SRRM4: variants seen among roughly 807,000 people sequenced by gnomAD.
The protein encoded by SRRM4 is serine/arginine repetitive matrix 4.
A neutral mutation model predicts 68.9 loss-of-function variants in SRRM4; 33 were observed. The ratio of observed to expected loss-of-function variants is 0.48; its 90% CI spans 0.36 to 0.64. The LOEUF is 0.64. SRRM4 is among the 30% of genes least tolerant of loss of function. The probability of loss-of-function intolerance (pLI) is 0.00; values close to 1 mark genes in which losing one functional copy is unlikely to be tolerated. For missense variants in SRRM4, 817 were observed against 827.1 expected, an observed-to-expected ratio of 0.99 and a Z score of 0.15; for synonymous variants, 318 against 318.8, an observed-to-expected ratio of 1.00 and a Z score of 0.03.
At chr12:119,111,275 G>A (rs1278584713) in intron 2 of SRRM4, among the ~76,000 whole-genome samples, 3 of 152,128 alleles carry the variant, frequency 2.0e-5, no homozygotes, top group Admixed American at 6.5e-5. Flanking sequence ...CCTCTATGAT[G>A]GTACAAGTAG....
Position 119,156,914 on chromosome 12 carries a change from C to A in SRRM4, c.*116C>A. 3 of 1,304,512 alleles carry A rather than the reference C, an allele frequency of 2.3e-6. No homozygotes were observed. In the South Asian group the frequency reaches 4.6e-5, roughly 20 times the overall value. 80.8% of individuals were successfully genotyped at this position (1,304,512 alleles called of 1,614,324 possible). ...TGAGGGCTCCTATACCTTGTCCTTC[C>A]TGCTTGCCTAGGGGAAGAGGAGAAG... On this transcript the variant is annotated 3_prime_UTR_variant, in exon 13 of 13. Coordinates refer to ENST00000267260, the MANE Select transcript of SRRM4 (RefSeq NM_194286.4).
intron 1 of SRRM4, among the ~76,000 whole-genome samples, chr12:119,079,823 T>C (rs2030831): frequency 0.57 from 86,747 of 151,772 alleles, 25,793 homozygotes; most frequent in Middle Eastern, 0.76. Context: ...AGTGGGGTAA[T>C]GTGCATTTCA....
rs911668147 is a variant in SRRM4 at position 119,100,679 on chromosome 12, A to T, written c.132-1557A>T. Among the ~76,000 whole-genome samples, 18 of 152,192 alleles carry T rather than the reference A, an allele frequency of 1.2e-4. 1 individual carries two copies. Among genetic ancestry groups the T allele is most frequent in the Admixed American group, 4.6e-4 (7 of 15,284 alleles). ...AAATTGAAGTTAACAAATGCAGGTTACCCTAGGCCAGGACAAGTATGGGAA... is the reference window on the plus strand; with the variant it reads ...AAATTGAAGTTAACAAATGCAGGTTTCCCTAGGCCAGGACAAGTATGGGAA... On this transcript the variant is annotated intron_variant, in intron 1 of 12. Coordinates refer to ENST00000267260, the MANE Select transcript of SRRM4 (RefSeq NM_194286.4).
chr12:119,061,261 G>T (rs1331586822), intron 1 of SRRM4, among the ~76,000 whole-genome samples: 1 of 152,130 alleles, frequency 6.6e-6, no homozygotes, highest in African/African-American at 2.4e-5. Context: ...TTGTTCCAAC[G>T]GTGGGGGCAG....
intron 1 of SRRM4, among the ~76,000 whole-genome samples, chr12:119,077,335 A>C (rs7956868): frequency 0.57 from 86,871 of 151,980 alleles, 25,822 homozygotes; most frequent in Middle Eastern, 0.75. Context: ...TTTTGATATA[A>C]GTGATCCATG....
intron 8 of SRRM4, among the ~76,000 whole-genome samples, chr12:119,133,701 G>C (rs1954311291): frequency 6.6e-6 from 1 of 152,178 alleles, no homozygotes; most frequent in African/African-American, 2.4e-5. Context: ...GCTAACAGCA[G>C]AGTCATTTTC....
At chr12:119,129,111 G>T (rs567705483) in intron 7 of SRRM4, among the ~76,000 whole-genome samples, 1 of 152,356 alleles carries the variant, frequency 6.6e-6, no homozygotes, top group Non-Finnish European at 1.5e-5. Context: ...CTTTCAGGCT[G>T]TTTGACCTCA....
chr12:119,072,163 A>C (rs560567939), intron 1 of SRRM4, among the ~76,000 whole-genome samples: 2 of 152,366 alleles, frequency 1.3e-5, no homozygotes, highest in South Asian at 2.1e-4. Flanking sequence ...AATAGTAAGA[A>C]TTCAGTGAAA....
intron 1 of SRRM4, among the ~76,000 whole-genome samples, chr12:119,092,975 C>G (rs1018532576): frequency 6.6e-6 from 1 of 152,178 alleles, no homozygotes; most frequent in African/African-American, 2.4e-5. Flanking sequence ...ATGTTCCTGC[C>G]TCAGGGCCTT....
At chr12:119,135,025 AATT>A in intron 8 of SRRM4, among the ~76,000 whole-genome samples, 1 of 152,306 alleles carries the variant, frequency 6.6e-6, no homozygotes, top group Middle Eastern at 3.4e-3. Context: ...AAGTAGGTGC[AATT>A]ATTATCACCA....
chr12:119,109,572 C>T (rs1213489854), intron 2 of SRRM4, among the ~76,000 whole-genome samples: 1 of 152,112 alleles, frequency 6.6e-6, no homozygotes, highest in African/African-American at 2.4e-5. Context: ...TTCATTTGAT[C>T]TTCAATCACT....
At position 119,145,393 on chromosome 12, in the gene SRRM4, G is replaced by T. The variant is rs769047933; in HGVS notation, c.784G>T (p.Gly262Trp). ...LSARGVITGS[G>W]SAADLFTKTA... Reference sequence around the variant, plus strand: ...TTTTTGCTTTCAGATCACTGGGTCGGGGTCTGCTGCTGACCTCTTTACCAA... The same window carrying T: ...TTTTTGCTTTCAGATCACTGGGTCGTGGTCTGCTGCTGACCTCTTTACCAA... Residue 262 changes from glycine to tryptophan, a missense_variant, in exon 9 of 13, where the codon GGG becomes TGG. By Grantham distance (184) the Gly-to-Trp change is radical. Transcript: ENST00000267260. 2.5e-6 allele frequency: 4 copies of T among 1,603,588 alleles called. No individual in the cohort carries two copies. The highest frequency in any genetic ancestry group is 3.4e-6 in the Non-Finnish European group (4 of 1,174,868).
chr12:119,072,912 C>T (rs1055910296), intron 1 of SRRM4, among the ~76,000 whole-genome samples: 13 of 152,154 alleles, frequency 8.5e-5, no homozygotes, highest in Non-Finnish European at 1.8e-4. Flanking sequence ...AAAGGTCACA[C>T]AGTCTGTCAA....
At chr12:119,156,462 G>A (rs1278177656) in intron 12 of SRRM4, 33 bp from the exon 13 acceptor site, 2 of 1,551,102 alleles carry the variant, frequency 1.3e-6, no homozygotes, top group Non-Finnish European at 1.7e-6. Context: ...CGGAGGGGCC[G>A]GCCCTCATCC....
At chr12:118,986,435 C>A (rs75382349) in intron 1 of SRRM4, among the ~76,000 whole-genome samples, 1,554 of 152,278 alleles carry the variant, frequency 0.01, 25 homozygotes, top group African/African-American at 0.035. Context: ...TCACCCGGCA[C>A]ACGTGCTATC....
At chr12:119,020,709 C>T (rs939626521) in intron 1 of SRRM4, among the ~76,000 whole-genome samples, 1 of 152,124 alleles carries the variant, frequency 6.6e-6, no homozygotes, top group African/African-American at 2.4e-5. Context: ...GCAAATGAAT[C>T]GCTCAAAATA....
chr12:119,116,913 A>C (rs1954183657), intron 3 of SRRM4, 24 bp from the exon 4 acceptor site: 3 of 1,612,062 alleles, frequency 1.9e-6, no homozygotes, highest in Non-Finnish European at 2.5e-6. Context: ...CTCCTTCTGA[A>C]ATGTGTCTTC....
At chr12:119,123,720 G>A (rs1283959240) in intron 6 of SRRM4, among the ~76,000 whole-genome samples, 1 of 152,232 alleles carries the variant, frequency 6.6e-6, no homozygotes, top group African/African-American at 2.4e-5. Flanking sequence ...CCAAGTCTAC[G>A]GTCAGGGCTG....
chr12:119,039,545 A>G lies in SRRM4; in HGVS notation c.131+57532A>G, dbSNP rs147910186. ...AAAGTTTGAACCAATATGCAGGGTG[A>G]CCACCTGATCCCTGCTGGTGTAGGA... On this transcript the variant is annotated intron_variant, in intron 1 of 12. Coordinates refer to ENST00000267260, the MANE Select transcript of SRRM4 (RefSeq NM_194286.4). 4.2e-4 allele frequency among the ~76,000 whole-genome samples: 64 copies of G among 152,300 alleles called. 1 individual carries two copies. Among genetic ancestry groups the G allele is most frequent in the African/African-American group, 1.5e-3 (63 of 41,556 alleles).
Sources: allele counts gnomAD v4.1 joint callset (sites outside exome capture counted in the v4.1 genomes callset), GRCh38; gene constraint gnomAD v4.1.1; transcripts MANE v1.5; gene names NCBI Gene and HGNC (gene_info 2026-07-23, HGNC 2026-07-21).